Variants in SRR observed in about 807,000 individuals in gnomAD.
SRR encodes serine racemase.
SRR carries 19 observed loss-of-function variants against 32.7 expected under a neutral mutation model. The observed-to-expected ratio is 0.58, with a 90% CI of 0.40 to 0.85. SRR has a LOEUF of 0.85. SRR is among the 40% of genes least tolerant of loss of function. SRR has a pLI of 0.00. For synonymous variants in SRR, 142 were observed against 140.9 expected, an observed-to-expected ratio of 1.01 and a Z score of -0.06; for missense variants, 373 against 404.7, an observed-to-expected ratio of 0.92 and a Z score of 0.67.
Position 2,323,777 on chromosome 17 carries a change from T to C in SRR, c.927T>C (p.Cys309=). 6.2e-7 allele frequency: 1 copy of C among 1,614,192 alleles called. No homozygotes were observed. Among genetic ancestry groups the C allele is most frequent in the Non-Finnish European group, 8.5e-7 (1 of 1,180,040 alleles). ...TTTCCCCAGAAGTAAAGAACATTTG[T>C]ATTGTGCTCAGTGGTGGAAATGTAG... is the stretch of plus-strand genomic sequence containing the variant. ...QTVSPEVKNI[C]IVLSGGNVDL... Residue 309 remains cysteine, a synonymous_variant, in exon 8 of 8, where the codon TGT becomes TGC. Transcript: ENST00000344595.
At chr17:2,323,111 G>C in intron 6 of SRR, 25 bp from the exon 7 acceptor site, 1 of 1,611,492 alleles carries the variant, frequency 6.2e-7, no homozygotes, top group South Asian at 1.1e-5. Flanking sequence ...TTGTTGTTAA[G>C]ATGTCTTAAT....
chr17:2,304,385 G>T (rs1428197265), intron 1 of SRR, among the ~76,000 whole-genome samples: 1 of 12,970 alleles, frequency 7.7e-5, no homozygotes, highest in Non-Finnish European at 1.6e-4. Context: ...CCTAGTAGCT[G>T]GGATTACAGG....
rs569602574 is a variant in SRR, at chr17:2,306,789, C to CGT, written c.-5+2773_-5+2774dup. On this transcript the variant is annotated intron_variant, in intron 1 of 7. Transcript: ENST00000344595. Reference sequence around the variant, plus strand: ...CTAAGTCAGAGTCTCCTAAAGAGCTCGTACAGCTGAAGAAGCTCTTCATTG... The same window carrying CGT: ...CTAAGTCAGAGTCTCCTAAAGAGCTCGTGTACAGCTGAAGAAGCTCTTCATTG... 564 of 703,272 alleles carry CGT rather than the reference C, an allele frequency of 8.0e-4. 2 individuals are homozygous for CGT. Among genetic ancestry groups the CGT allele is most frequent in the South Asian group, 8.0e-3 (543 of 67,756 alleles). 43.6% of individuals were successfully genotyped at this position (703,272 alleles called of 1,614,324 possible). A position where few individuals can be genotyped will look rare whatever the true frequency, so the allele number is the denominator to read the frequency against.
chr17:2,316,609 G>A (rs1330280385), intron 2 of SRR, among the ~76,000 whole-genome samples: 1 of 152,228 alleles, frequency 6.6e-6, no homozygotes, highest in Admixed American at 6.5e-5. Context: ...AGGCGCAGTG[G>A]TTCACACTTG....
At chr17:2,303,446 C>T (rs1045555384), upstream of SRR, 1 of 1,303,240 alleles carries the variant, frequency 7.7e-7, no homozygotes, top group Non-Finnish European at 9.7e-7. Context: ...CAGGACTGGC[C>T]GAGCCCGACC....
Position 2,324,160 on chromosome 17 carries a change from G to T in SRR, c.*287G>T. 1.3e-6 allele frequency: 2 copies of T among 1,511,532 alleles called. No homozygotes were observed. Among genetic ancestry groups the T allele is most frequent in the South Asian group, 2.8e-5 (2 of 71,574 alleles). 93.6% of individuals were successfully genotyped at this position (1,511,532 alleles called of 1,614,324 possible). On this transcript the variant is annotated 3_prime_UTR_variant, in exon 8 of 8. Transcript: ENST00000344595. Reference sequence around the variant, plus strand: ...TTGTGCCTCCCATCCCTGGAGTACTGACTGGCACCGGTAAGACAGAATCTC... The same window carrying T: ...TTGTGCCTCCCATCCCTGGAGTACTTACTGGCACCGGTAAGACAGAATCTC...
intron 2 of SRR, among the ~76,000 whole-genome samples, chr17:2,317,381 G>A (rs372338112): frequency 3.2e-4 from 48 of 151,114 alleles, no homozygotes; most frequent in East Asian, 1.6e-3. Context: ...GCGTGGTGGC[G>A]GGCGCCTGCA....
chr17:2,307,129 T>G (rs1597256971), intron 1 of SRR: 1 of 1,170,336 alleles, frequency 8.5e-7, no homozygotes, highest in Non-Finnish European at 1.3e-6. Context: ...CCTAAGTGAT[T>G]ATTTTGAACA....
chr17:2,322,540 A>C (rs778573676), intron 6 of SRR: 3 of 151,636 alleles, frequency 2.0e-5, no homozygotes, highest in Non-Finnish European at 4.4e-5. Flanking sequence ...TCACTCTGTC[A>C]CCCAGGCTGG....
intron 4 of SRR, among the ~76,000 whole-genome samples, chr17:2,319,408 C>T (rs2075505595): frequency 6.6e-6 from 1 of 152,136 alleles, no homozygotes; most frequent in African/African-American, 2.4e-5. Flanking sequence ...TCTGCCTCAG[C>T]CTGTTGAGTA....
intron 1 of SRR, among the ~76,000 whole-genome samples, chr17:2,305,860 G>C (rs935374312): frequency 6.6e-6 from 1 of 151,850 alleles, no homozygotes; most frequent in Non-Finnish European, 1.5e-5. Context: ...ACCATGCCCA[G>C]CTAATTTTTT....
intron 3 of SRR, among the ~76,000 whole-genome samples, chr17:2,318,619 A>ATTTTTTTT (rs35847724): frequency 8.2e-3 from 756 of 92,374 alleles, no homozygotes; most frequent in South Asian, 9.9e-3. Flanking sequence ...ATGCCTGGCT[A>ATTTTTTTT]TTTTTTTTTT....
chr17:2,323,006 C>T, intron 6 of SRR, 130 bp from the exon 7 acceptor site: 1 of 879,852 alleles, frequency 1.1e-6, no homozygotes, highest in Admixed American at 2.3e-5. Context: ...CTCAGCTGAT[C>T]CACCCGCCTC....
chr17:2,305,963 T>A (rs2075387058), intron 1 of SRR, among the ~76,000 whole-genome samples: 1 of 151,250 alleles, frequency 6.6e-6, no homozygotes, highest in African/African-American at 2.4e-5. Context: ...CCTCCTAAAG[T>A]GCTGGGATTA....
rs1198242047 is a variant in SRR at position 2,323,902 on chromosome 17, A to G, written c.*29A>G. 3 of 1,593,662 alleles carry G rather than the reference A, an allele frequency of 1.9e-6. No individual in the cohort carries two copies. In the African/African-American group the frequency reaches 4.0e-5, roughly 21 times the overall value. On this transcript the variant is annotated 3_prime_UTR_variant, in exon 8 of 8. Coordinates refer to ENST00000344595, the MANE Select transcript of SRR (RefSeq NM_021947.3). Reference sequence around the variant, plus strand: ...ACAGAAAAGGAAATGGTGGGAATTCAGTGTCTTTAGATACTGAAGACATTT... The same window carrying G: ...ACAGAAAAGGAAATGGTGGGAATTCGGTGTCTTTAGATACTGAAGACATTT...
intron 1 of SRR, among the ~76,000 whole-genome samples, chr17:2,314,359 G>A (rs992794624): frequency 8.6e-5 from 13 of 152,044 alleles, no homozygotes; most frequent in Admixed American, 5.9e-4. Flanking sequence ...CGAGGCAGGC[G>A]GATCACGAGG....
chr17:2,307,630 C>G (rs573470658), intron 1 of SRR: 304 of 942,022 alleles, frequency 3.2e-4, no homozygotes, highest in African/African-American at 1.4e-3. Flanking sequence ...TATGGTGGTG[C>G]AGGCCAATAC....
upstream of SRR, chr17:2,303,877 A>G: frequency 1.7e-6 from 1 of 572,368 alleles, no homozygotes; most frequent in Non-Finnish European, 2.9e-6. Flanking sequence ...CGCTGGGAGG[A>G]AAAGCGCCCG....
At position 2,315,986 on chromosome 17, in the gene SRR, G is replaced by A. The variant is rs529195704; in HGVS notation, c.168+258G>A. ...TTATCCGAGTAATTTTTATATATAT[G>A]TATGTGCATATATATAATATATACA... is the stretch of plus-strand genomic sequence containing the variant. On this transcript the variant is annotated intron_variant, in intron 2 of 7. Coordinates refer to ENST00000344595, the MANE Select transcript of SRR (RefSeq NM_021947.3). Among the ~76,000 whole-genome samples, 3 of 151,978 alleles carry A rather than the reference G, an allele frequency of 2.0e-5. No homozygotes were observed. In the South Asian group the frequency reaches 6.2e-4, roughly 32 times the overall value.
Sources: allele counts gnomAD v4.1 joint callset (sites outside exome capture counted in the v4.1 genomes callset), GRCh38; gene constraint gnomAD v4.1.1; transcripts MANE v1.5; gene names NCBI Gene and HGNC (gene_info 2026-07-23, HGNC 2026-07-21).